The following BTD variants were observed in gnomAD, a reference collection of about 807,000 sequenced individuals.
BTD encodes the protein biocytinase.
A neutral mutation model predicts 17.7 loss-of-function variants in BTD; 13 were observed. The ratio of observed to expected loss-of-function variants is 0.74; its 90% CI spans 0.48 to 1.17. The LOEUF is 1.17. Among genes scored for constraint, BTD ranks in the 50% most tolerant of loss-of-function variants. BTD has a pLI of 0.00. For missense variants in BTD, 674 were observed against 650.4 expected, an observed-to-expected ratio of 1.04 and a Z score of -0.39; for synonymous variants, 240 against 245.2, an observed-to-expected ratio of 0.98 and a Z score of 0.20.
chr3:15,647,523 A>T lies in BTD; in HGVS notation c.*2035A>T, dbSNP rs2065724362. ...ATGAATTGCTCGTGAAGTAGAAATG[A>T]GGGGAAAAGCAACTAATGGTGGTAG... On this transcript the variant is annotated 3_prime_UTR_variant, in exon 4 of 4. Coordinates refer to ENST00000643237, the MANE Select transcript of BTD (RefSeq NM_001370658.1). The T allele has an allele frequency of 6.6e-6, 1 of 152,220 alleles. No individual in the cohort carries two copies. The highest frequency in any genetic ancestry group is 2.1e-4 in the South Asian group (1 of 4,828). The allele number at this position is 152,220 out of a possible 1,614,324, so 9.4% of individuals were successfully genotyped here.
chr3:15,641,024 C>T (rs192704929), intron 2 of BTD, among the ~76,000 whole-genome samples: 106 of 152,294 alleles, frequency 7.0e-4, no homozygotes, highest in African/African-American at 2.3e-3. Context: ...CTGGTGTTCC[C>T]GGCTTGACAT....
At chr3:15,655,804 T>C (rs1256238598), downstream of BTD, among the ~76,000 whole-genome samples, 2 of 152,238 alleles carry the variant, frequency 1.3e-5, no homozygotes, top group Non-Finnish European at 2.9e-5. Context: ...TTGTTGTTTT[T>C]ACTTTGTTTT....
chr3:15,716,511 T>C (rs2073069771), downstream of BTD, among the ~76,000 whole-genome samples: 1 of 152,020 alleles, frequency 6.6e-6, no homozygotes, highest in South Asian at 2.1e-4. Flanking sequence ...TTTGAACTCT[T>C]GGGCTCATGT....
intron 3 of BTD, among the ~76,000 whole-genome samples, chr3:15,665,426 G>C (rs971377274): frequency 2.0e-5 from 3 of 152,168 alleles, no homozygotes; most frequent in Non-Finnish European, 2.9e-5. Context: ...AAAAAGGGCA[G>C]ATCCACCAAC....
At chr3:15,696,856 A>AACCACTAT (rs1480966366) in intron 3 of BTD, among the ~76,000 whole-genome samples, 4 of 152,178 alleles carry the variant, frequency 2.6e-5, no homozygotes, top group Non-Finnish European at 4.4e-5. Flanking sequence ...CTATATGTAA[A>AACCACTAT]ACCACTATGG....
intron 1 of BTD, among the ~76,000 whole-genome samples, chr3:15,629,296 G>A (rs1471644627): frequency 1.3e-5 from 2 of 152,058 alleles, no homozygotes; most frequent in Non-Finnish European, 2.9e-5. Flanking sequence ...GCATCACCTT[G>A]GAATTTGCCA....
chr3:15,691,375 G>A (rs1319957841), intron 3 of BTD, among the ~76,000 whole-genome samples: 4 of 152,038 alleles, frequency 2.6e-5, no homozygotes, highest in South Asian at 2.1e-4. Flanking sequence ...CGCCCGCCTC[G>A]GCCTCCCAAA....
intron 3 of BTD, among the ~76,000 whole-genome samples, chr3:15,659,502 C>T (rs2065901089): frequency 6.6e-6 from 1 of 152,210 alleles, no homozygotes; most frequent in Non-Finnish European, 1.5e-5. Context: ...GCTTTCCAGC[C>T]ACCCCTGGCT....
intron 3 of BTD, chr3:15,678,382 G>T (rs1301216464): frequency 1.3e-6 from 2 of 1,575,022 alleles, no homozygotes; most frequent in South Asian, 1.2e-5. Context: ...TGAAATATAT[G>T]ACTAAATTTG....
chr3:15,614,290 A>G (rs1032752027), intron 1 of BTD, among the ~76,000 whole-genome samples: 9 of 151,972 alleles, frequency 5.9e-5, no homozygotes, highest in African/African-American at 1.9e-4. Flanking sequence ...TGCCCAGCTA[A>G]TACTTTTTTA....
At chr3:15,720,277 C>T (rs2073568898) in intron 4 of BTD, among the ~76,000 whole-genome samples, 1 of 151,658 alleles carries the variant, frequency 6.6e-6, no homozygotes, top group African/African-American at 2.4e-5. Context: ...TTTTTTTTCC[C>T]TAACACTGTA....
Position 15,635,311 on chromosome 3 carries a change from G to T in BTD, c.-16-113G>T. 1 of 1,496,106 alleles carries T rather than the reference G, an allele frequency of 6.7e-7. No individual in the cohort carries two copies. The highest frequency in any genetic ancestry group is 9.2e-7 in the Non-Finnish European group (1 of 1,081,162). 92.7% of individuals were successfully genotyped at this position (1,496,106 alleles called of 1,614,324 possible). ...CATGAAACAAACTCTTTGAGCCGCA[G>T]TATCACTGCGAGTGAGTTTAATTGC... On this transcript the variant is annotated intron_variant, in intron 1 of 3. Transcript: ENST00000643237. This position sits in a 1 kb window ranked among gnomAD's most constrained non-coding sequence, Gnocchi z 4.1.
chr3:15,655,166 T>A (rs1259283718), downstream of BTD, among the ~76,000 whole-genome samples: 1 of 152,246 alleles, frequency 6.6e-6, no homozygotes, highest in Admixed American at 6.5e-5. Context: ...CCAAATTGTT[T>A]AGTAACTATT....
chr3:15,709,385 CCATAGT>C (rs2126041680), intron 3 of BTD, among the ~76,000 whole-genome samples: 1 of 152,030 alleles, frequency 6.6e-6, no homozygotes, highest in Admixed American at 6.6e-5. Context: ...CTTTACATTT[CCATAGT>C]CATAATTTTT....
chr3:15,684,266 A>G (rs976587975), intron 3 of BTD: 8 of 152,336 alleles, frequency 5.3e-5, no homozygotes, highest in Non-Finnish European at 1.2e-4. Flanking sequence ...TTTAACATCT[A>G]TAACTTCAAA....
chr3:15,720,424 A>T (rs2073588928), intron 4 of BTD, among the ~76,000 whole-genome samples: 1 of 152,230 alleles, frequency 6.6e-6, no homozygotes, highest in African/African-American at 2.4e-5. Context: ...TTTTAAAATT[A>T]GATACAGACA....
chr3:15,645,094 G>A lies in BTD; in HGVS notation c.1178G>A (p.Gly393Asp), dbSNP rs1559600366. 6.2e-7 allele frequency: 1 copy of A among 1,614,182 alleles called. No homozygotes were observed. Among genetic ancestry groups the A allele is most frequent in the Non-Finnish European group, 8.5e-7 (1 of 1,180,028 alleles). Residue 393 changes from glycine to aspartate, a missense_variant, in exon 4 of 4, where the codon GGC becomes GAC. By Grantham distance (94) the Gly-to-Asp change is moderately conservative. Transcript: ENST00000643237. ...FTLVPVWGKE[G>D]YLHVCSNGLC... ...CTGGTCCCTGTCTGGGGAAAGGAAG[G>A]CTATCTCCACGTCTGTTCCAATGGC...
rs180940416 is a variant in BTD, at chr3:15,653,308, C to T, written c.*7820C>T. On this transcript the variant is annotated 3_prime_UTR_variant, in exon 4 of 4. Coordinates refer to ENST00000643237, the MANE Select transcript of BTD (RefSeq NM_001370658.1). ...TGCGGTGCATACCAAAGCAGGTGCA[C>T]GGGTCTTAATCATCACCTCAGTCCT... Among the ~76,000 whole-genome samples, 217 of 152,354 alleles carry T rather than the reference C, an allele frequency of 1.4e-3. No homozygotes were observed. The highest frequency in any genetic ancestry group is 2.0e-3 in the Non-Finnish European group (137 of 68,036).
chr3:15,630,863 C>T (rs1156378647), intron 1 of BTD, among the ~76,000 whole-genome samples: 2 of 152,132 alleles, frequency 1.3e-5, no homozygotes, highest in African/African-American at 4.8e-5. Context: ...TGGGTTTAAA[C>T]AAAGCTGCCC....
Sources: allele counts gnomAD v4.1 joint callset (sites outside exome capture counted in the v4.1 genomes callset), GRCh38; gene constraint gnomAD v4.1.1; non-coding constraint Gnocchi (gnomAD v3.1); transcripts MANE v1.5; gene names NCBI Gene and HGNC (gene_info 2026-07-23, HGNC 2026-07-21).